The following TRIM2 variants were observed in gnomAD, a reference collection of about 807,000 sequenced individuals.
TRIM2 encodes the protein tripartite motif-containing protein 2.
TRIM2 carries 20 observed loss-of-function variants against 75.2 expected under a neutral mutation model. The observed-to-expected ratio is 0.27, with a 90% confidence interval of 0.19 to 0.39. The LOEUF is 0.39. Among genes scored for constraint, TRIM2 ranks in the 10% least tolerant of loss-of-function variants. The pLI is 1.00. For synonymous variants in TRIM2, 373 were observed against 388.3 expected, an observed-to-expected ratio of 0.96 and a Z score of 0.46; for missense variants, 660 against 990.8, an observed-to-expected ratio of 0.67 and a Z score of 4.48.
intron 1 of TRIM2, among the ~76,000 whole-genome samples, chr4:153,171,729 G>A (rs962680570): frequency 6.6e-6 from 1 of 151,800 alleles, no homozygotes; most frequent in Non-Finnish European, 1.5e-5. Flanking sequence ...CACAAAAGTA[G>A]AAAGAGCATG....
At chr4:153,307,985 G>T in intron 6 of TRIM2, 1 of 759,616 alleles carries the variant, frequency 1.3e-6, no homozygotes, top group South Asian at 1.4e-5. Context: ...GAATACACTG[G>T]ACCAGGTTCA....
At chr4:153,271,043 T>C (rs1380385132) in intron 2 of TRIM2, among the ~76,000 whole-genome samples, 1 of 152,226 alleles carries the variant, frequency 6.6e-6, no homozygotes, top group Non-Finnish European at 1.5e-5. Context: ...ATTACCTGAC[T>C]ATGTAATTTG....
intron 1 of TRIM2, among the ~76,000 whole-genome samples, chr4:153,163,622 C>T (rs1158769162): frequency 1.3e-5 from 2 of 150,332 alleles, no homozygotes; most frequent in Non-Finnish European, 3.0e-5. Flanking sequence ...CTGCCTCAGC[C>T]TCCGGAGTAG....
intron 1 of TRIM2, among the ~76,000 whole-genome samples, chr4:153,216,982 CTTTGATT>C (rs1467845744): frequency 6.6e-6 from 1 of 152,174 alleles, no homozygotes; most frequent in Non-Finnish European, 1.5e-5. Flanking sequence ...TCTGTGAGTT[CTTTGATT>C]TAGATGAACT....
intron 1 of TRIM2, among the ~76,000 whole-genome samples, chr4:153,264,287 C>G (rs58020223): frequency 0.026 from 3,947 of 152,252 alleles, 107 homozygotes; most frequent in African/African-American, 0.07. Context: ...TAAAGTGGTT[C>G]TTTCTGCGTT....
intron 1 of TRIM2, among the ~76,000 whole-genome samples, chr4:153,235,886 C>T (rs1168190928): frequency 6.6e-6 from 1 of 152,142 alleles, no homozygotes; most frequent in Admixed American, 6.5e-5. Context: ...CTGTGCTCAC[C>T]TCCATCAGAA....
intron 6 of TRIM2, among the ~76,000 whole-genome samples, chr4:153,313,108 T>C (rs1422161584): frequency 6.6e-6 from 1 of 152,172 alleles, no homozygotes; most frequent in Admixed American, 6.5e-5. Context: ...CTTCAAACCA[T>C]GTTGGCACAT....
At chr4:153,178,105 A>G (rs369952035) in intron 1 of TRIM2, among the ~76,000 whole-genome samples, 1 of 152,022 alleles carries the variant, frequency 6.6e-6, no homozygotes, top group African/African-American at 2.4e-5. Flanking sequence ...CCTGGCCATG[A>G]TTAGCAGTTT....
At chr4:153,263,804 C>A (rs1290312903) in intron 1 of TRIM2, among the ~76,000 whole-genome samples, 1 of 152,180 alleles carries the variant, frequency 6.6e-6, no homozygotes, top group East Asian at 1.9e-4. Context: ...CCTCTTCTGG[C>A]TTTATAGGCA....
chr4:153,318,599 G>A (rs1040592649), intron 8 of TRIM2, among the ~76,000 whole-genome samples: 2 of 152,098 alleles, frequency 1.3e-5, no homozygotes, highest in Non-Finnish European at 2.9e-5. Flanking sequence ...AGTTTAATGT[G>A]AATATTTATA....
chr4:153,255,016 C>T (rs1330769935), intron 1 of TRIM2, among the ~76,000 whole-genome samples: 1 of 152,178 alleles, frequency 6.6e-6, no homozygotes, highest in Non-Finnish European at 1.5e-5. Flanking sequence ...TTGAAATGCT[C>T]CGCACACCCC....
intron 3 of TRIM2, 48 bp downstream of exon 3, chr4:153,276,178 G>T (rs1405353487): frequency 2.0e-6 from 3 of 1,499,730 alleles, no homozygotes; most frequent in Non-Finnish European, 2.8e-6. Context: ...GACTACTGTG[G>T]CCTTGGGGAG....
chr4:153,236,253 G>A (rs1486414226), intron 1 of TRIM2, among the ~76,000 whole-genome samples: 1 of 152,002 alleles, frequency 6.6e-6, no homozygotes, highest in Non-Finnish European at 1.5e-5. Context: ...AGCAGCATGG[G>A]AATGCATGGA....
At chr4:153,307,820 C>T in intron 6 of TRIM2, 1 of 729,324 alleles carries the variant, frequency 1.4e-6, no homozygotes, top group Non-Finnish European at 2.6e-6. Context: ...TGTAATAGTA[C>T]AGGGACTTGC....
intron 11 of TRIM2, among the ~76,000 whole-genome samples, chr4:153,333,581 A>G (rs902907798): frequency 5.9e-5 from 9 of 152,164 alleles, no homozygotes; most frequent in Non-Finnish European, 1.0e-4. Context: ...ATTTCAAAAT[A>G]AAAATTTAAC....
chr4:153,254,543 A>G (rs1579021371), intron 1 of TRIM2, among the ~76,000 whole-genome samples: 1 of 152,108 alleles, frequency 6.6e-6, no homozygotes. Flanking sequence ...AATATGGGAA[A>G]CTCCAACTCA....
At chr4:153,164,005 CT>C (rs1252798887) in intron 1 of TRIM2, among the ~76,000 whole-genome samples, 7 of 152,142 alleles carry the variant, frequency 4.6e-5, no homozygotes, top group Non-Finnish European at 8.8e-5. Context: ...AGATTTCTTA[CT>C]GTGGCAAGTT....
At chr4:153,221,991 A>C (rs951773704) in intron 1 of TRIM2, among the ~76,000 whole-genome samples, 14 of 47,752 alleles carry the variant, frequency 2.9e-4, no homozygotes, top group Non-Finnish European at 3.4e-4. Context: ...AGGAAGGGAG[A>C]GAGGAAGGAA....
intron 2 of TRIM2, among the ~76,000 whole-genome samples, chr4:153,274,595 C>G (rs557371743): frequency 7.9e-5 from 12 of 152,252 alleles, no homozygotes; most frequent in African/African-American, 2.4e-4. Context: ...TGCTTGTAGC[C>G]ACACCTGTGA....
Sources: gnomAD v4.1 joint callset for allele counts (sites outside exome capture counted in the v4.1 genomes callset) on GRCh38, gnomAD v4.1.1 for gene constraint, MANE v1.5 for transcripts, NCBI Gene and HGNC (gene_info 2026-07-23, HGNC 2026-07-21) for gene names.